Variants in JMJD1C observed in about 807,000 individuals in gnomAD.
The protein encoded by JMJD1C is jumonji domain-containing protein 1C.
A neutral mutation model predicts 245.3 loss-of-function variants in JMJD1C; 31 were observed. That is an observed-to-expected ratio of 0.13 (90% CI 0.09 to 0.17). The LOEUF (loss-of-function observed/expected upper bound fraction) is 0.17, where lower values mean the gene tolerates loss of function less well. Ranked by LOEUF, JMJD1C falls within the 10% of genes least tolerant of loss-of-function variation. JMJD1C has a pLI of 1.00. For synonymous variants in JMJD1C, 1,057 were observed against 1,017.4 expected (o/e 1.04, Z -0.74); for missense variants, 2,691 against 3,000.2 (o/e 0.90, Z 2.41).
chr10:63,386,943 A>C (rs7895054), intron 1 of JMJD1C, among the ~76,000 whole-genome samples: 150,338 of 152,284 alleles, frequency 0.99, 74,215 homozygotes, highest in Middle Eastern at 1. Context: ...CTTCTGACTA[A>C]CACCAAAGGA....
chr10:63,202,436 T>C, intron 10 of JMJD1C: 1 of 985,436 alleles, frequency 1.0e-6, no homozygotes, highest in Non-Finnish European at 1.2e-6. Flanking sequence ...TGTTTTCTAA[T>C]CATGCCCAAT....
intron 1 of JMJD1C, among the ~76,000 whole-genome samples, chr10:63,428,792 T>C (rs2132817960): frequency 6.6e-6 from 1 of 152,360 alleles, no homozygotes; most frequent in East Asian, 1.9e-4. Context: ...TTGACTTTTA[T>C]CTAAGTATTT....
intron 2 of JMJD1C, among the ~76,000 whole-genome samples, chr10:63,322,617 A>AACAT (rs1941009095): frequency 6.6e-6 from 1 of 152,032 alleles, no homozygotes; most frequent in South Asian, 2.1e-4. Flanking sequence ...GTTCAAGACC[A>AACAT]GCCTGACCAA....
chr10:63,361,033 T>TTGGC (rs1421460346), intron 2 of JMJD1C, among the ~76,000 whole-genome samples: 1 of 152,246 alleles, frequency 6.6e-6, no homozygotes, highest in African/African-American at 2.4e-5. Flanking sequence ...AATATTAACT[T>TTGGC]TGGCTGGTAG....
At chr10:63,262,806 TAA>T (rs530327751) in intron 3 of JMJD1C, among the ~76,000 whole-genome samples, 1 of 73,408 alleles carries the variant, frequency 1.4e-5, no homozygotes, top group South Asian at 4.0e-4. Flanking sequence ...CAAACTGTTT[TAA>T]AAAAAGTTAG....
intron 1 of JMJD1C, among the ~76,000 whole-genome samples, chr10:63,500,723 C>CG (rs1417108686): frequency 4.2e-5 from 5 of 120,228 alleles, no homozygotes; most frequent in African/African-American, 1.4e-4. Context: ...AAGACTGTCT[C>CG]GATGGATGGA....
chr10:63,314,631 T>G (rs185747740), intron 2 of JMJD1C, among the ~76,000 whole-genome samples: 153 of 150,708 alleles, frequency 1.0e-3, no homozygotes, highest in African/African-American at 2.8e-3. Flanking sequence ...AAAGTTTTGT[T>G]TTTTTTTTTT....
intron 23 of JMJD1C, chr10:63,177,432 A>C (rs1397694185): frequency 3.1e-6 from 1 of 325,174 alleles, no homozygotes; most frequent in Non-Finnish European, 5.6e-6. Context: ...ACTTTTCGCC[A>C]CCCAACTAAT....
At chr10:63,211,039 G>C (rs1240243460) in intron 8 of JMJD1C, among the ~76,000 whole-genome samples, 1 of 152,156 alleles carries the variant, frequency 6.6e-6, no homozygotes, top group Non-Finnish European at 1.5e-5. Context: ...AAAGGCCAAA[G>C]GTCATATGAA....
chr10:63,364,554 C>T (rs1945685178), intron 2 of JMJD1C, among the ~76,000 whole-genome samples: 1 of 152,146 alleles, frequency 6.6e-6, no homozygotes, highest in Non-Finnish European at 1.5e-5. Context: ...GGCTGGATCA[C>T]AGCTCACTGC....
intron 2 of JMJD1C, among the ~76,000 whole-genome samples, chr10:63,286,911 T>C (rs1162355719): frequency 6.6e-6 from 1 of 152,132 alleles, no homozygotes; most frequent in Non-Finnish European, 1.5e-5. Flanking sequence ...CAATCATTGT[T>C]GATCTCAACT....
At chr10:63,174,933 T>C (rs569892161) in intron 24 of JMJD1C, among the ~76,000 whole-genome samples, 2 of 152,194 alleles carry the variant, frequency 1.3e-5, no homozygotes, top group African/African-American at 4.8e-5. Context: ...GTTACCTAAC[T>C]ATGCATTTGT....
At chr10:63,465,983 G>A, upstream of JMJD1C, 1 of 330,492 alleles carries the variant, frequency 3.0e-6, no homozygotes, top group South Asian at 4.3e-5. Flanking sequence ...GTACTGCTCC[G>A]TCTCCCTCCC....
In JMJD1C at chr10:63,288,921, A is replaced by AT. The variant is rs1341518261; in HGVS notation, c.334-24158dup. On this transcript the variant is annotated intron_variant, in intron 2 of 25. Coordinates refer to ENST00000399262, the MANE Select transcript of JMJD1C (RefSeq NM_032776.3). ...AATAATAATAATAATAATAATAATAATAATAATGATAATAATCTGTATATT... is the reference window on the plus strand; with the variant it reads ...AATAATAATAATAATAATAATAATAATTAATAATGATAATAATCTGTATATT... Among the ~76,000 whole-genome samples, 12 of 134,776 alleles carry AT rather than the reference A, an allele frequency of 8.9e-5. No homozygotes were observed. The East Asian group carries it at 2.5e-3, about 28-fold the overall frequency. The allele number at this position is 134,776 out of a possible 152,430, so 88.4% of individuals were successfully genotyped here.
chr10:63,467,762 A>G (rs1273042290), upstream of JMJD1C, among the ~76,000 whole-genome samples: 1 of 152,236 alleles, frequency 6.6e-6, no homozygotes, highest in Admixed American at 6.5e-5. Context: ...TGTAAGGATA[A>G]AAGAGTAGGG....
intron 2 of JMJD1C, among the ~76,000 whole-genome samples, chr10:63,316,095 C>T (rs1445124945): frequency 1.3e-5 from 2 of 152,120 alleles, no homozygotes; most frequent in South Asian, 2.1e-4. Context: ...TCACTTGAGG[C>T]TGAGACTATG....
intron 1 of JMJD1C, among the ~76,000 whole-genome samples, chr10:63,486,917 T>C (rs1237067336): frequency 1.3e-5 from 2 of 152,162 alleles, no homozygotes; most frequent in Admixed American, 1.3e-4. Context: ...TTTCTATCAT[T>C]AACAGTAATG....
intron 2 of JMJD1C, chr10:63,301,649 G>A: frequency 8.2e-6 from 3 of 364,090 alleles, no homozygotes; most frequent in Non-Finnish European, 1.6e-5. Context: ...TCACAGACCA[G>A]GGCCTGTCCG....
intron 3 of JMJD1C, among the ~76,000 whole-genome samples, chr10:63,243,954 A>G (rs747264618): frequency 1.3e-5 from 2 of 152,170 alleles, no homozygotes; most frequent in Non-Finnish European, 2.9e-5. Flanking sequence ...TATGGTTTCT[A>G]CAACACTGGA....
Sources: gnomAD v4.1 joint callset for allele counts (sites outside exome capture counted in the v4.1 genomes callset) on GRCh38, gnomAD v4.1.1 for gene constraint, MANE v1.5 for transcripts, NCBI Gene and HGNC (gene_info 2026-07-23, HGNC 2026-07-21) for gene names.